Variants in CA5A observed in about 807,000 individuals in gnomAD.
CA5A encodes carbonic anhydrase 5A, mitochondrial.
CA5A carries 28 observed loss-of-function variants against 37.1 expected under a neutral mutation model. The ratio of observed to expected loss-of-function variants is 0.75; its 90% confidence interval spans 0.56 to 1.03. The LOEUF (loss-of-function observed/expected upper bound fraction) is 1.03, where lower values mean the gene tolerates loss of function less well. Ranked by LOEUF, CA5A falls within the 50% of genes least tolerant of loss-of-function variation. The pLI, the probability that CA5A is intolerant of heterozygous loss-of-function variation, is 0.00. For missense variants in CA5A, 444 were observed against 399.9 expected (o/e 1.11, Z -0.94); for synonymous variants, 171 against 158.4 (o/e 1.08, Z -0.60).
At chr16:87,924,669 C>G (rs982197533) in intron 2 of CA5A, among the ~76,000 whole-genome samples, 1 of 152,250 alleles carries the variant, frequency 6.6e-6, no homozygotes, top group Non-Finnish European at 1.5e-5. Flanking sequence ...GCTGGGCAGA[C>G]CTCCCCGTGA....
chr16:87,893,104 A>G, intron 5 of CA5A: 1 of 648,812 alleles, frequency 1.5e-6, no homozygotes. Context: ...CAGTTTGCCT[A>G]GAGACATTTC....
intron 1 of CA5A, among the ~76,000 whole-genome samples, chr16:87,935,738 C>A (rs1006755925): frequency 6.6e-6 from 1 of 151,934 alleles, no homozygotes; most frequent in African/African-American, 2.4e-5. Context: ...TAGCTGGGTG[C>A]AGTGGCGGGT....
At chr16:87,915,223 T>A (rs1335572909) in intron 2 of CA5A, among the ~76,000 whole-genome samples, 1 of 152,220 alleles carries the variant, frequency 6.6e-6, no homozygotes, top group Non-Finnish European at 1.5e-5. Context: ...GGAAACAATC[T>A]ACAATTCGAA....
At chr16:87,895,556 C>CA (rs2055789838) in intron 5 of CA5A, among the ~76,000 whole-genome samples, 1 of 145,558 alleles carries the variant, frequency 6.9e-6, no homozygotes. Flanking sequence ...AAAAAGAAAA[C>CA]AAAAAACAAA....
At chr16:87,901,509 C>A (rs983959960) in intron 5 of CA5A, among the ~76,000 whole-genome samples, 5 of 152,196 alleles carry the variant, frequency 3.3e-5, no homozygotes, top group African/African-American at 1.2e-4. Context: ...CTTTCCACTA[C>A]GCCATTTCTT....
intron 5 of CA5A, among the ~76,000 whole-genome samples, chr16:87,895,750 G>C (rs1469746316): frequency 6.6e-6 from 1 of 151,976 alleles, no homozygotes; most frequent in African/African-American, 2.4e-5. Context: ...TAGGAACTGA[G>C]TCATGTAACA....
At chr16:87,901,466 C>G (rs1379991099) in intron 5 of CA5A, among the ~76,000 whole-genome samples, 2 of 152,250 alleles carry the variant, frequency 1.3e-5, no homozygotes, top group Non-Finnish European at 2.9e-5. Context: ...AATCCCATTT[C>G]CAGAACTGGA....
At chr16:87,926,494 G>C (rs1465406072) in intron 2 of CA5A, among the ~76,000 whole-genome samples, 3 of 152,228 alleles carry the variant, frequency 2.0e-5, no homozygotes, top group African/African-American at 7.2e-5. Context: ...GATTTTCTTT[G>C]CTAGGTGCAC....
intron 1 of CA5A, among the ~76,000 whole-genome samples, chr16:87,935,493 G>A (rs147821766): frequency 2.0e-3 from 308 of 152,306 alleles, no homozygotes; most frequent in East Asian, 7.9e-3. Flanking sequence ...GTGCGAACAC[G>A]GACTACCCGC....
intron 2 of CA5A, among the ~76,000 whole-genome samples, chr16:87,919,371 G>C (rs1357544054): frequency 6.6e-6 from 1 of 152,236 alleles, no homozygotes; most frequent in Non-Finnish European, 1.5e-5. Flanking sequence ...GGTCACCCTC[G>C]GGCTGGCCAG....
chr16:87,896,807 C>G (rs541851337), intron 5 of CA5A, among the ~76,000 whole-genome samples: 1 of 152,270 alleles, frequency 6.6e-6, no homozygotes, highest in African/African-American at 2.4e-5. Context: ...CGCCTGGCTA[C>G]TTTTCTGTTT....
In CA5A at chr16:87,904,862, T is replaced by A. The variant is rs760098830; in HGVS notation, c.383A>T (p.Gln128Leu). ...CACTGCTCCCCAGTGGAAGTGAAAT[T>A]GCTTCAGTCTGTAGTGGTTTTCCAA... Reference protein sequence around the residue: ...GPLENHYRLKQFHFHWGAVNE... With the variant: ...GPLENHYRLKLFHFHWGAVNE... The change falls in exon 3 of 7, where the codon CAA becomes CTA. Residue 128 changes from glutamine (Q) to leucine (L), a missense_variant. Physicochemically the swap from Gln to Leu is moderately radical, Grantham distance 113. Coordinates refer to ENST00000649794, the MANE Select transcript of CA5A (RefSeq NM_001739.2). The A allele has an allele frequency of 6.2e-6, 10 of 1,613,370 alleles. No individual in the cohort carries two copies. The highest frequency in any genetic ancestry group is 8.5e-6 in the Non-Finnish European group (10 of 1,179,318).
chr16:87,927,850 C>G (rs1438919279), intron 1 of CA5A, among the ~76,000 whole-genome samples: 1 of 138,582 alleles, frequency 7.2e-6, no homozygotes, highest in Non-Finnish European at 1.5e-5. Context: ...GACAGAGACT[C>G]TGCCTCAAAA....
chr16:87,926,090 G>A (rs994629153), intron 2 of CA5A, among the ~76,000 whole-genome samples: 2 of 152,152 alleles, frequency 1.3e-5, no homozygotes, highest in African/African-American at 4.8e-5. Flanking sequence ...GGGCATGGTG[G>A]CAGACACCTG....
intron 5 of CA5A, among the ~76,000 whole-genome samples, chr16:87,901,178 C>A (rs1218729297): frequency 6.6e-6 from 1 of 152,156 alleles, no homozygotes; most frequent in East Asian, 1.9e-4. Context: ...TGCAGTGAGC[C>A]AAGATCGCGC....
intron 1 of CA5A, among the ~76,000 whole-genome samples, chr16:87,931,167 A>C (rs1193166061): frequency 2.0e-5 from 3 of 147,582 alleles, no homozygotes; most frequent in South Asian, 4.3e-4. Context: ...GCTGGAGTGC[A>C]GTGGCGTAAT....
chr16:87,904,780 A>G lies in CA5A; in HGVS notation c.459+6T>C, dbSNP rs1213441588. Reference sequence around the variant, plus strand: ...AGATATGTGCTGTTAGGCCACGTCTACAAACCTCTGCGGGGTACGCGTGGC... The same window carrying G: ...AGATATGTGCTGTTAGGCCACGTCTGCAAACCTCTGCGGGGTACGCGTGGC... On this transcript the variant is annotated splice_donor_region_variant and intron_variant, in intron 3 of 6. Transcript: ENST00000649794. 3 of 1,578,660 alleles carry G rather than the reference A, an allele frequency of 1.9e-6. No homozygotes were observed. Among genetic ancestry groups the G allele is most frequent in the Non-Finnish European group, 2.6e-6 (3 of 1,147,684 alleles).
intron 2 of CA5A, among the ~76,000 whole-genome samples, chr16:87,914,877 C>G (rs1178488596): frequency 6.6e-6 from 1 of 152,190 alleles, no homozygotes; most frequent in Admixed American, 6.5e-5. Context: ...CAGAGAAGTG[C>G]AGCCATGAGC....
chr16:87,914,493 G>T (rs568207999), intron 2 of CA5A, among the ~76,000 whole-genome samples: 42 of 152,326 alleles, frequency 2.8e-4, no homozygotes, highest in African/African-American at 9.4e-4. Context: ...CTGCACCCCC[G>T]TCTGTCTCCA....
Sources: gnomAD v4.1 joint callset for allele counts (sites outside exome capture counted in the v4.1 genomes callset) on GRCh38, gnomAD v4.1.1 for gene constraint, MANE v1.5 for transcripts, NCBI Gene and HGNC (gene_info 2026-07-23, HGNC 2026-07-21) for gene names.